Variants in NAALADL2 observed in about 807,000 individuals in gnomAD.
NAALADL2 encodes N-acetylated alpha-linked acidic dipeptidase like 2, also known as inactive N-acetylated-alpha-linked acidic dipeptidase-like protein 2.
Under a neutral mutation model 87.2 loss-of-function variants are expected in NAALADL2, and 76 were observed. The observed-to-expected ratio is 0.87, with a 90% CI of 0.72 to 1.05. NAALADL2 has a LOEUF of 1.05. Ranked by LOEUF, NAALADL2 falls within the 50% of genes least tolerant of loss-of-function variation. The pLI is 0.00. For synonymous variants in NAALADL2, 354 were observed against 331.0 expected, an observed-to-expected ratio of 1.07 and a Z score of -0.75; for missense variants, 1,089 against 945.8, an observed-to-expected ratio of 1.15 and a Z score of -1.99.
At chr3:174,573,534 A>C (rs1461892059) in intron 2 of NAALADL2, among the ~76,000 whole-genome samples, 1 of 152,140 alleles carries the variant, frequency 6.6e-6, no homozygotes, top group African/African-American at 2.4e-5. Context: ...AATGGAAAAA[A>C]GTTTATTCGA....
intron 1 of NAALADL2, among the ~76,000 whole-genome samples, chr3:174,912,386 T>C (rs951553273): frequency 1.3e-5 from 2 of 151,974 alleles, no homozygotes; most frequent in African/African-American, 4.8e-5. Context: ...ACTGTTTTTC[T>C]CCCCCTCCTT....
intron 2 of NAALADL2, among the ~76,000 whole-genome samples, chr3:174,672,594 A>G (rs189923244): frequency 6.6e-6 from 1 of 152,248 alleles, no homozygotes; most frequent in Non-Finnish European, 1.5e-5. Flanking sequence ...AGGCCGAAAT[A>G]CTTTCTAATG....
At chr3:175,363,879 T>C (rs1420724718) in intron 5 of NAALADL2, among the ~76,000 whole-genome samples, 1 of 148,240 alleles carries the variant, frequency 6.7e-6, no homozygotes, top group African/African-American at 2.4e-5. Context: ...TGGGAAATAA[T>C]GCATATTGAA....
intron 3 of NAALADL2, among the ~76,000 whole-genome samples, chr3:174,751,662 CA>C (rs35752458): frequency 0.021 from 2,641 of 128,394 alleles, 53 homozygotes; most frequent in African/African-American, 0.061. Flanking sequence ...GACTTTGTCT[CA>C]AAAAAAAAAA....
chr3:174,457,530 G>C (rs1174107062), intron 1 of NAALADL2, among the ~76,000 whole-genome samples: 1 of 152,084 alleles, frequency 6.6e-6, no homozygotes, highest in Non-Finnish European at 1.5e-5. Flanking sequence ...TACAGCCATA[G>C]AAAGAGTGAG....
intron 4 of NAALADL2, among the ~76,000 whole-genome samples, chr3:175,273,040 T>A (rs1265754400): frequency 2.0e-5 from 3 of 152,158 alleles, no homozygotes; most frequent in South Asian, 4.1e-4. Flanking sequence ...TTCATTGATG[T>A]ACTAAATATT....
intron 2 of NAALADL2, among the ~76,000 whole-genome samples, chr3:175,187,550 C>T (rs73881437): frequency 2.0e-5 from 3 of 152,120 alleles, no homozygotes; most frequent in African/African-American, 7.2e-5. Flanking sequence ...GATTGTAGAA[C>T]AAAGTGCTTC....
chr3:175,732,660 C>T (rs150403129), intron 11 of NAALADL2, among the ~76,000 whole-genome samples: 8 of 151,990 alleles, frequency 5.3e-5, no homozygotes, highest in East Asian at 1.9e-4. Context: ...TGGGAGGGTG[C>T]GGGGTAAGCA....
intron 9 of NAALADL2, among the ~76,000 whole-genome samples, chr3:175,531,143 G>A (rs1391885056): frequency 6.6e-6 from 1 of 152,108 alleles, no homozygotes; most frequent in Non-Finnish European, 1.5e-5. Context: ...ACCTGTTGCA[G>A]AGACTTCTCC....
In NAALADL2 at chr3:175,066,144, T is replaced by A. The variant is rs139863837; in HGVS notation, c.44-30646T>A. Among the ~76,000 whole-genome samples the A allele has an allele frequency of 8.4e-3, 1,276 of 152,178 alleles. 14 individuals carry two copies. Among genetic ancestry groups the A allele is most frequent in the African/African-American group, 0.029 (1,218 of 41,530 alleles). ...AAACAGGGTGACTGTTCCACCACTC[T>A]CCAGAACTAGGTGTGTGAAAGGAGA... is the stretch of plus-strand genomic sequence containing the variant. On this transcript the variant is annotated intron_variant, in intron 1 of 13. Transcript: ENST00000454872.
At chr3:174,823,622 A>T (rs1479707928) in intron 3 of NAALADL2, among the ~76,000 whole-genome samples, 4 of 152,210 alleles carry the variant, frequency 2.6e-5, no homozygotes, top group Non-Finnish European at 4.4e-5. Flanking sequence ...GAACAATTTC[A>T]TTCTTTTATG....
chr3:175,294,178 G>A (rs1756012698), intron 4 of NAALADL2, among the ~76,000 whole-genome samples: 1 of 152,170 alleles, frequency 6.6e-6, no homozygotes, highest in Admixed American at 6.5e-5. Context: ...GCTGCTAAAG[G>A]CACCAAGCCA....
At chr3:174,716,881 C>T (rs1731243474) in intron 2 of NAALADL2, among the ~76,000 whole-genome samples, 1 of 152,074 alleles carries the variant, frequency 6.6e-6, no homozygotes, top group South Asian at 2.1e-4. Flanking sequence ...CAGAAGACAG[C>T]TTCATTTCTG....
intron 1 of NAALADL2, among the ~76,000 whole-genome samples, chr3:174,931,346 C>T (rs1736861972): frequency 6.6e-6 from 1 of 152,154 alleles, no homozygotes; most frequent in Non-Finnish European, 1.5e-5. Context: ...CACTTGGGAA[C>T]TATGTGACCC....
In NAALADL2 at chr3:175,199,858, A is replaced by T. The variant is rs1373933759; in HGVS notation, c.546-34073A>T. Reference sequence around the variant, plus strand: ...TATATATATATATATATATATATATATATATATTTTTTTTTTTTTTTTTTT... The same window carrying T: ...TATATATATATATATATATATATATTTATATATTTTTTTTTTTTTTTTTTT... On this transcript the variant is annotated intron_variant, in intron 2 of 13. Coordinates refer to ENST00000454872, the MANE Select transcript of NAALADL2 (RefSeq NM_207015.3). Among the ~76,000 whole-genome samples, 35 of 17,694 alleles carry T rather than the reference A, an allele frequency of 2.0e-3. 2 individuals carry two copies. Among genetic ancestry groups the T allele is most frequent in the South Asian group, 5.4e-3 (2 of 372 alleles). The allele number at this position is 17,694 out of a possible 152,430, so 11.6% of individuals were successfully genotyped here.
At chr3:174,843,481 A>C (rs1475040865) in intron 3 of NAALADL2, among the ~76,000 whole-genome samples, 1 of 152,162 alleles carries the variant, frequency 6.6e-6, no homozygotes, top group Non-Finnish European at 1.5e-5. Flanking sequence ...GGCTATTGTG[A>C]ATAGAGCTGC....
At chr3:175,306,725 A>C (rs1317788914) in intron 4 of NAALADL2, among the ~76,000 whole-genome samples, 1 of 152,166 alleles carries the variant, frequency 6.6e-6, no homozygotes, top group African/African-American at 2.4e-5. Flanking sequence ...GCATGCCTGT[A>C]GTCCTAGCTA....
At chr3:174,509,026 G>A (rs539520100) in intron 1 of NAALADL2, among the ~76,000 whole-genome samples, 32 of 151,472 alleles carry the variant, frequency 2.1e-4, no homozygotes, top group African/African-American at 7.7e-4. Flanking sequence ...ATTCCTCAGC[G>A]TTTTCTGCAT....
chr3:175,108,447 A>C (rs1451468861), intron 2 of NAALADL2, among the ~76,000 whole-genome samples: 1 of 152,012 alleles, frequency 6.6e-6, no homozygotes, highest in African/African-American at 2.4e-5. Context: ...TATGGAGTAC[A>C]TTTGTATCTG....
Sources: gnomAD v4.1 joint callset for allele counts (sites outside exome capture counted in the v4.1 genomes callset) on GRCh38, gnomAD v4.1.1 for gene constraint, MANE v1.5 for transcripts, NCBI Gene and HGNC (gene_info 2026-07-23, HGNC 2026-07-21) for gene names.